Variants in PIEZO2 observed in about 807,000 individuals in gnomAD.
PIEZO2 encodes piezo type mechanosensitive ion channel component 2, also known as piezo-type mechanosensitive ion channel component 2.
PIEZO2 carries 172 observed loss-of-function variants against 337.3 expected under a neutral mutation model. The ratio of observed to expected loss-of-function variants is 0.51; its 90% CI spans 0.45 to 0.58. The LOEUF (loss-of-function observed/expected upper bound fraction) is 0.58. PIEZO2 is among the 20% of genes least tolerant of loss of function. The pLI, the probability that PIEZO2 is intolerant of heterozygous loss-of-function variation, is 0.00. For synonymous variants in PIEZO2, 1,251 were observed against 1,228.5 expected, an observed-to-expected ratio of 1.02 and a Z score of -0.38; for missense variants, 3,028 against 3,391.3, an observed-to-expected ratio of 0.89 and a Z score of 2.66.
In PIEZO2 at chr18:10,883,816, C is replaced by CTTTTTTTTTTTTTTTT. The variant is rs71169957; in HGVS notation, c.330-12402_330-12401insAAAAAAAAAAAAAAAA. Among the ~76,000 whole-genome samples the CTTTTTTTTTTTTTTTT allele has an allele frequency of 1.6e-4, 20 of 122,820 alleles. 3 individuals are homozygous for CTTTTTTTTTTTTTTTT. The highest frequency in any genetic ancestry group is 4.0e-4 in the African/African-American group (12 of 29,776). 80.6% of individuals were successfully genotyped at this position (122,820 alleles called of 152,430 possible). ...TACCCTGTTTCTATGAGTCCTACTTCTTTTTTTTTTTTGAGACAGAGTCTC... is the reference window on the plus strand; with the variant it reads ...TACCCTGTTTCTATGAGTCCTACTTCTTTTTTTTTTTTTTTTTTTTTTTTTTTTGAGACAGAGTCTC... On this transcript the variant is annotated intron_variant, in intron 4 of 55. Coordinates refer to ENST00000674853, the MANE Select transcript of PIEZO2 (RefSeq NM_001378183.1).
chr18:11,082,255 C>T (rs2038769182), intron 1 of PIEZO2, among the ~76,000 whole-genome samples: 1 of 151,978 alleles, frequency 6.6e-6, no homozygotes, highest in South Asian at 2.1e-4. Context: ...ATGACAAATA[C>T]TAATTTTCTT....
At chr18:11,090,682 A>C (rs955033762) in intron 1 of PIEZO2, among the ~76,000 whole-genome samples, 1 of 152,168 alleles carries the variant, frequency 6.6e-6, no homozygotes. Flanking sequence ...CTTTAAGAGA[A>C]GGGCGATTCA....
intron 4 of PIEZO2, among the ~76,000 whole-genome samples, chr18:10,881,562 G>C (rs1435338526): frequency 1.3e-5 from 2 of 152,102 alleles, no homozygotes; most frequent in Non-Finnish European, 2.9e-5. Context: ...TCCCAATTCT[G>C]TGCTCCATGA....
rs552651625 is a variant in PIEZO2 at position 11,040,523 on chromosome 18, A to T, written c.160+25604T>A. Among the ~76,000 whole-genome samples the T allele has an allele frequency of 2.6e-5, 4 of 152,288 alleles. No homozygotes were observed. In the East Asian group the frequency reaches 5.8e-4, roughly 22 times the overall value. ...AGGGGATGTTTTGTTGCTGTTTTTGAACAATAGCACAGAAGTACTTGGCTG... is the reference window on the plus strand; with the variant it reads ...AGGGGATGTTTTGTTGCTGTTTTTGTACAATAGCACAGAAGTACTTGGCTG... On this transcript the variant is annotated intron_variant, in intron 2 of 55. Transcript: ENST00000674853.
At chr18:10,987,144 T>C (rs1179085143) in intron 2 of PIEZO2, among the ~76,000 whole-genome samples, 1 of 152,080 alleles carries the variant, frequency 6.6e-6, no homozygotes, top group Non-Finnish European at 1.5e-5. Context: ...AAAAGGAATC[T>C]ACAGATTCAA....
rs1287126288 is a variant in PIEZO2 at position 11,031,179 on chromosome 18, T to C, written c.160+34948A>G. Among the ~76,000 whole-genome samples, 45 of 151,746 alleles carry C rather than the reference T, an allele frequency of 3.0e-4. No homozygotes were observed. Among genetic ancestry groups the C allele is most frequent in the African/African-American group, 9.7e-4 (40 of 41,364 alleles). ...TAATTTTTTTGTATTTTTTTTTTTTTTAGTGGAGATGGGATTTCACCGTGT... is the reference window on the plus strand; with the variant it reads ...TAATTTTTTTGTATTTTTTTTTTTTCTAGTGGAGATGGGATTTCACCGTGT... On this transcript the variant is annotated intron_variant, in intron 2 of 55. Coordinates refer to ENST00000674853, the MANE Select transcript of PIEZO2 (RefSeq NM_001378183.1). This position sits in a 1 kb window ranked among gnomAD's most constrained non-coding sequence, Gnocchi z 4.7.
rs1432391974 is a variant in PIEZO2 at position 11,069,431 on chromosome 18, A to AT, written c.65-3210dup. Among the ~76,000 whole-genome samples, 1 of 152,220 alleles carries AT rather than the reference A, an allele frequency of 6.6e-6. No individual in the cohort carries two copies. Among genetic ancestry groups the AT allele is most frequent in the African/African-American group, 2.4e-5 (1 of 41,452 alleles). ...TAACAGAATGAAGAACAAAAGCCATATATCTTCTCAAAAGATGCAGAAAAA... is the reference window on the plus strand; with the variant it reads ...TAACAGAATGAAGAACAAAAGCCATATTATCTTCTCAAAAGATGCAGAAAAA... On this transcript the variant is annotated intron_variant, in intron 1 of 55. Transcript: ENST00000674853. This position sits in a 1 kb window ranked among gnomAD's most constrained non-coding sequence, Gnocchi z 4.9.
intron 3 of PIEZO2, among the ~76,000 whole-genome samples, chr18:10,946,634 G>A (rs8083622): frequency 0.14 from 21,212 of 152,202 alleles, 2,489 homozygotes; most frequent in African/African-American, 0.31. Flanking sequence ...ATGAGGCAGT[G>A]TGAGTGAGCT....
At chr18:10,925,219 T>C (rs2031655771) in intron 3 of PIEZO2, among the ~76,000 whole-genome samples, 1 of 152,252 alleles carries the variant, frequency 6.6e-6, no homozygotes, top group South Asian at 2.1e-4. Flanking sequence ...TGATTTCAAG[T>C]ACCATATTCC....
At chr18:10,818,428 C>A (rs1277447144) in intron 7 of PIEZO2, among the ~76,000 whole-genome samples, 1 of 152,072 alleles carries the variant, frequency 6.6e-6, no homozygotes, top group African/African-American at 2.4e-5. Flanking sequence ...CTTGTGTATA[C>A]CCAATATTTT....
chr18:10,737,571 A>C (rs1040471384), intron 33 of PIEZO2: 3 of 152,248 alleles, frequency 2.0e-5, no homozygotes, highest in Non-Finnish European at 4.4e-5. Context: ...AAGCACAAAC[A>C]GTATGGATTG....
rs2035643756 is a variant in PIEZO2 at position 10,707,737 on chromosome 18, T to C, written c.5588+538A>G. Among the ~76,000 whole-genome samples the C allele has an allele frequency of 6.6e-6, 1 of 152,234 alleles. No individual in the cohort carries two copies. On this transcript the variant is annotated intron_variant, in intron 40 of 55. Coordinates refer to ENST00000674853, the MANE Select transcript of PIEZO2 (RefSeq NM_001378183.1). The surrounding 1 kb of genome is among the most constrained non-coding windows in gnomAD (Gnocchi z 4.2). ...AAAGATGATGCATTCTGCTGCATAATATTCTTTTTAAAAACCAATGGTAAA... is the reference window on the plus strand; with the variant it reads ...AAAGATGATGCATTCTGCTGCATAACATTCTTTTTAAAAACCAATGGTAAA...
At chr18:10,780,395 A>G (rs1349120083) in intron 17 of PIEZO2, 29 bp from the exon 18 acceptor site, 1 of 702,862 alleles carries the variant, frequency 1.4e-6, no homozygotes, top group African/African-American at 1.7e-5. Context: ...AAGCACAGGG[A>G]TGCAATGAGG....
intron 3 of PIEZO2, among the ~76,000 whole-genome samples, chr18:10,967,828 T>C (rs1377993198): frequency 6.6e-6 from 1 of 152,188 alleles, no homozygotes; most frequent in African/African-American, 2.4e-5. Flanking sequence ...TCCTTATAGA[T>C]TCTGGTTATT....
At position 10,877,117 on chromosome 18, in the gene PIEZO2, TCCTA is replaced by T. The variant is rs2042287893; in HGVS notation, c.330-5706_330-5703del. On this transcript the variant is annotated intron_variant, in intron 4 of 55. Transcript: ENST00000674853. The surrounding 1 kb of genome is among the most constrained non-coding windows in gnomAD (Gnocchi z 5.3). The stretch of plus-strand genomic sequence containing the variant: ...TGTAGCCACCAGACTCTTCTCTACG[TCCTA>T]CTTAATTGTTGATGAGTCCACAAAA... Among the ~76,000 whole-genome samples, 1 of 152,222 alleles carries T rather than the reference TCCTA, an allele frequency of 6.6e-6. No individual in the cohort carries two copies. Among genetic ancestry groups the T allele is most frequent in the Admixed American group, 6.5e-5 (1 of 15,280 alleles).
Position 10,797,452 on chromosome 18 carries a change from ACTT to A in PIEZO2, c.1446_1448del (p.Arg482del), listed in dbSNP as rs1309274820. ...CGGAGACCATGGCATGAACTTTGAT[ACTT>A]CTTTTTTCCTCACGGCTCCTTTCTT... On this transcript the variant is annotated inframe_deletion, in exon 12 of 56. Coordinates refer to ENST00000674853, the MANE Select transcript of PIEZO2 (RefSeq NM_001378183.1). The A allele has an allele frequency of 6.5e-7, 1 of 1,537,176 alleles. No homozygotes were observed. The highest frequency in any genetic ancestry group is 8.7e-7 in the Non-Finnish European group (1 of 1,146,904).
In PIEZO2 at chr18:10,871,469, G is replaced by A. The variant is rs144209368; in HGVS notation, c.330-54C>T. On this transcript the variant is annotated intron_variant, in intron 4 of 55. Transcript: ENST00000674853. ...AAAAATTTAGTTCTTATATTTCTAC[G>A]GTTAAACTGCCTTATAGGATGTTTT... The A allele has an allele frequency of 1.4e-4, 203 of 1,457,690 alleles. No individual in the cohort carries two copies. The African/African-American group carries it at 2.4e-3, about 17-fold the overall frequency. 90.3% of individuals were successfully genotyped at this position (1,457,690 alleles called of 1,614,324 possible). A position where few individuals can be genotyped will look rare whatever the true frequency, so the allele number is the denominator to read the frequency against.
chr18:10,948,145 G>C (rs1307606835), intron 3 of PIEZO2, among the ~76,000 whole-genome samples: 1 of 151,838 alleles, frequency 6.6e-6, no homozygotes, highest in Non-Finnish European at 1.5e-5. Flanking sequence ...TAAGACATAG[G>C]TAATTTTTTA....
intron 7 of PIEZO2, among the ~76,000 whole-genome samples, chr18:10,839,589 T>G (rs911938637): frequency 1.8e-4 from 27 of 152,182 alleles, no homozygotes; most frequent in African/African-American, 6.0e-4. Flanking sequence ...AGGGAGGAGA[T>G]GATGGCTGGC....
Sources: allele counts gnomAD v4.1 joint callset (sites outside exome capture counted in the v4.1 genomes callset), GRCh38; gene constraint gnomAD v4.1.1; non-coding constraint Gnocchi (gnomAD v3.1); transcripts MANE v1.5; gene names NCBI Gene and HGNC (gene_info 2026-07-23, HGNC 2026-07-21).